Variants in CCDC7 observed in about 807,000 individuals in gnomAD.
CCDC7 encodes coiled-coil domain-containing protein 7.
Under a neutral mutation model 196.9 loss-of-function variants are expected in CCDC7, and 183 were observed. That is an observed-to-expected ratio of 0.93 (90% CI 0.82 to 1.05). The LOEUF (loss-of-function observed/expected upper bound fraction) is 1.05. CCDC7 is among the 50% of genes least tolerant of loss of function. The probability of loss-of-function intolerance (pLI) is 0.00; values close to 1 mark genes in which losing one functional copy is unlikely to be tolerated. For missense variants in CCDC7, 1,540 were observed against 1,482.2 expected, an observed-to-expected ratio of 1.04 and a Z score of -0.64; for synonymous variants, 525 against 484.6, an observed-to-expected ratio of 1.08 and a Z score of -1.10.
chr10:32,786,579 G>A (rs2081921086), intron 29 of CCDC7, among the ~76,000 whole-genome samples: 1 of 152,156 alleles, frequency 6.6e-6, no homozygotes, highest in Non-Finnish European at 1.5e-5. Context: ...TGGCCAACAT[G>A]GCGAAACTTC....
At chr10:32,740,363 A>G (rs938228319) in intron 28 of CCDC7, among the ~76,000 whole-genome samples, 4 of 152,150 alleles carry the variant, frequency 2.6e-5, no homozygotes, top group African/African-American at 9.7e-5. Flanking sequence ...CATTTTTGGG[A>G]GGAAATACAG....
chr10:32,535,504 G>A (rs1009582531), intron 11 of CCDC7, among the ~76,000 whole-genome samples: 1 of 152,096 alleles, frequency 6.6e-6, no homozygotes, highest in Non-Finnish European at 1.5e-5. Context: ...ATGCGTGTGT[G>A]GGGTGCTTAC....
intron 24 of CCDC7, among the ~76,000 whole-genome samples, chr10:32,699,922 T>G (rs1303336669): frequency 6.7e-6 from 1 of 149,454 alleles, no homozygotes; most frequent in Non-Finnish European, 1.5e-5. Flanking sequence ...TCTTGTAAAT[T>G]TGTTTGAGTT....
intron 35 of CCDC7, 64 bp from the exon 37 acceptor site, chr10:32,845,802 CACACACAGAT>C: frequency 8.2e-7 from 1 of 1,225,222 alleles, no homozygotes; most frequent in South Asian, 1.3e-5. Flanking sequence ...CACATACACA[CACACACAGAT>C]ACACACAGAG....
At chr10:32,594,612 A>C (rs1447807732) in intron 18 of CCDC7, among the ~76,000 whole-genome samples, 5 of 150,510 alleles carry the variant, frequency 3.3e-5, no homozygotes, top group Non-Finnish European at 7.3e-5. Flanking sequence ...GAGAGAGGAC[A>C]TCCCTGTTTT....
chr10:32,841,124 A>T (rs562021701), intron 33 of CCDC7, among the ~76,000 whole-genome samples: 1 of 152,204 alleles, frequency 6.6e-6, no homozygotes, highest in East Asian at 1.9e-4. Flanking sequence ...CTTCTATTCA[A>T]CATAGTACTG....
intron 23 of CCDC7, among the ~76,000 whole-genome samples, chr10:32,691,634 G>C (rs572845194): frequency 7.2e-5 from 11 of 152,300 alleles, no homozygotes; most frequent in African/African-American, 2.4e-4. Context: ...TGTCATTACT[G>C]TCCTCACTCC....
chr10:32,827,498 A>G lies in CCDC7; in HGVS notation c.3268+2894A>G, dbSNP rs150716021. Among the ~76,000 whole-genome samples, 10 of 152,266 alleles carry G rather than the reference A, an allele frequency of 6.6e-5. No homozygotes were observed. The East Asian group carries it at 1.9e-3, about 29-fold the overall frequency. ...TCCGTGGACTCACAGAATGCCTTATACACCATCATGGCATTGTCTCTGACC... is the reference window on the plus strand; with the variant it reads ...TCCGTGGACTCACAGAATGCCTTATGCACCATCATGGCATTGTCTCTGACC... On this transcript the variant is annotated intron_variant, in intron 32 of 41. Coordinates refer to ENST00000639629, the Ensembl canonical transcript of CCDC7.
At chr10:32,731,782 G>A (rs34323362) in intron 28 of CCDC7, among the ~76,000 whole-genome samples, 9,149 of 152,192 alleles carry the variant, frequency 0.06, 379 homozygotes, top group Non-Finnish European at 0.089. Flanking sequence ...GGCTGGGCAC[G>A]GTGACTCAAG....
At chr10:32,567,363 G>A in intron 14 of CCDC7, among the ~76,000 whole-genome samples, 1 of 151,532 alleles carries the variant, frequency 6.6e-6, no homozygotes, top group Admixed American at 6.6e-5. Context: ...TTTTTATAAT[G>A]TATACCTTAT....
intron 16 of CCDC7, among the ~76,000 whole-genome samples, chr10:32,582,106 CTATATA>C (rs6143863): frequency 0.047 from 4,832 of 103,634 alleles, 369 homozygotes; most frequent in African/African-American, 0.13. Context: ...ACTGTCAGCA[CTATATA>C]TATATATATA....
At chr10:32,714,867 G>A (rs2081352453) in intron 25 of CCDC7, among the ~76,000 whole-genome samples, 1 of 152,180 alleles carries the variant, frequency 6.6e-6, no homozygotes, top group African/African-American at 2.4e-5. Flanking sequence ...CTCTGGGCAG[G>A]GCATCTCTGA....
chr10:32,821,220 A>G (rs180722834), intron 31 of CCDC7, among the ~76,000 whole-genome samples: 5,897 of 152,344 alleles, frequency 0.039, 122 homozygotes, highest in Middle Eastern at 0.051. Flanking sequence ...AATGCTCACC[A>G]TCACTGGCCA....
chr10:32,445,178 C>T (rs1197303745), upstream of CCDC7, among the ~76,000 whole-genome samples: 1 of 152,026 alleles, frequency 6.6e-6, no homozygotes, highest in Non-Finnish European at 1.5e-5. Context: ...TTGAACACAC[C>T]CAGAAAGAGC....
chr10:32,837,013 G>A (rs868735464), intron 33 of CCDC7, among the ~76,000 whole-genome samples: 104 of 152,132 alleles, frequency 6.8e-4, no homozygotes, highest in African/African-American at 2.2e-3. Context: ...CATAGGCATG[G>A]GTAAGGACTT....
chr10:32,583,069 A>G, exon 17 of CCDC7: 1 of 1,231,430 alleles, frequency 8.1e-7, no homozygotes, highest in Non-Finnish European at 1.0e-6. Context: ...GCTATTTCAG[A>G]TCTTTCACAG....
intron 18 of CCDC7, among the ~76,000 whole-genome samples, chr10:32,630,824 A>C (rs1489371696): frequency 6.6e-6 from 1 of 152,164 alleles, no homozygotes; most frequent in Non-Finnish European, 1.5e-5. Flanking sequence ...TGTCAGTTAG[A>C]AAATATAGCC....
intron 11 of CCDC7, among the ~76,000 whole-genome samples, chr10:32,534,087 CT>C (rs1181351243): frequency 4.0e-5 from 6 of 151,242 alleles, no homozygotes; most frequent in African/African-American, 1.5e-4. Context: ...ATTTTTATTC[CT>C]TTTCATTCTT....
At chr10:32,725,259 A>C (rs1414550) in intron 25 of CCDC7, 4,988 of 465,134 alleles carry the variant, frequency 0.011, 42 homozygotes, top group Middle Eastern at 0.035. Flanking sequence ...CAGTTGCTCT[A>C]TCCTATAATA....
Sources: gnomAD v4.1 joint callset for allele counts (sites outside exome capture counted in the v4.1 genomes callset) on GRCh38, gnomAD v4.1.1 for gene constraint, MANE v1.5 for transcripts, NCBI Gene and HGNC (gene_info 2026-07-23, HGNC 2026-07-21) for gene names.